Variants in DNMBP observed in about 807,000 individuals in gnomAD.
The protein encoded by DNMBP is dynamin binding protein.
In DNMBP, 87 loss-of-function variants were observed where a neutral mutation model predicts 150.0. That is an observed-to-expected ratio of 0.58 (90% CI 0.49 to 0.69). The LOEUF (loss-of-function observed/expected upper bound fraction) is 0.69. Among genes scored for constraint, DNMBP ranks in the 30% least tolerant of loss-of-function variants. The pLI is 0.00. For missense variants in DNMBP, 1,774 were observed against 1,949.0 expected (o/e 0.91, Z 1.69); for synonymous variants, 711 against 750.4 (o/e 0.95, Z 0.86).
chr10:99,898,126 G>T lies in DNMBP; in HGVS notation c.2880C>A (p.Ile960=), dbSNP rs1589404484. 4 of 1,613,998 alleles carry T rather than the reference G, an allele frequency of 2.5e-6. No homozygotes were observed. The highest frequency in any genetic ancestry group is 3.4e-6 in the Non-Finnish European group (4 of 1,179,994). ...GTTTATATTCATTAATGTTAACGTT[G>T]ATTTCCTTGACCGCAAGGACTGCAT... ...LTNAVLAVKE[I]NVNINEYKRR... The change falls in exon 9 of 17, where the codon ATC becomes ATA. Residue 960 remains isoleucine, a synonymous_variant. Coordinates refer to ENST00000324109, the MANE Select transcript of DNMBP (RefSeq NM_015221.4).
intron 15 of DNMBP, among the ~76,000 whole-genome samples, chr10:99,881,531 G>A (rs1054762654): frequency 1.3e-5 from 2 of 152,206 alleles, no homozygotes; most frequent in Non-Finnish European, 2.9e-5. Context: ...TAGCCTCCAT[G>A]AGAACAATGG....
At chr10:100,001,409 T>G (rs2041010278) in intron 1 of DNMBP, among the ~76,000 whole-genome samples, 2 of 52,114 alleles carry the variant, frequency 3.8e-5, no homozygotes, top group Admixed American at 4.7e-4. Flanking sequence ...GTTTTGTTGT[T>G]GTTGTTTTTT....
chr10:99,899,085 G>T (rs766602527), intron 7 of DNMBP, among the ~76,000 whole-genome samples: 28 of 151,950 alleles, frequency 1.8e-4, no homozygotes, highest in Non-Finnish European at 2.8e-4. Flanking sequence ...CCCAGCTACT[G>T]GGGGGCTGAG....
At position 99,890,836 on chromosome 10, in the gene DNMBP, AG is replaced by A. The variant is rs1237604691; in HGVS notation, c.3157-1884del. Among the ~76,000 whole-genome samples the A allele has an allele frequency of 2.6e-5, 4 of 152,116 alleles. No individual in the cohort carries two copies. In the East Asian group the frequency reaches 7.7e-4, roughly 29 times the overall value. ...TAATTTTTGTAGTTTTAGTAGAGAC[AG>A]GGTTTCACCACGTTGGCCAGGTTGG... is the stretch of plus-strand genomic sequence containing the variant. On this transcript the variant is annotated intron_variant, in intron 11 of 16. Transcript: ENST00000324109.
At chr10:99,918,988 G>A (rs1394433019) in intron 4 of DNMBP, among the ~76,000 whole-genome samples, 2 of 152,118 alleles carry the variant, frequency 1.3e-5, no homozygotes, top group African/African-American at 4.8e-5. Flanking sequence ...TGTTTAATAA[G>A]CAAATTTTTA....
At chr10:99,982,427 G>C (rs1377429685) in intron 1 of DNMBP, among the ~76,000 whole-genome samples, 1 of 151,998 alleles carries the variant, frequency 6.6e-6, no homozygotes, top group African/African-American at 2.4e-5. Flanking sequence ...CTGGGCAACA[G>C]AGCGAGACCC....
chr10:99,956,350 T>A lies in DNMBP; in HGVS notation c.1124A>T (p.Tyr375Phe), dbSNP rs754184398. The A allele has an allele frequency of 9.9e-6, 16 of 1,613,804 alleles. No homozygotes were observed. Among genetic ancestry groups the A allele is most frequent in the Admixed American group, 8.3e-5 (5 of 59,982 alleles). Residue 375 changes from tyrosine (Y) to phenylalanine (F), a missense_variant, in exon 4 of 17, where the codon TAT (tyrosine) becomes TTT (phenylalanine). Tyr to Phe is a conservative substitution (Grantham distance 22). Transcript: ENST00000324109. ...TSEYDTDRNS[Y>F]QDEDTAGGPP... is the part of the protein sequence containing the mutation. ...CCCTCCTGCGGTGTCCTCGTCCTGATAAGAGTTTCTGTCTGTGTCATACTC... is the reference window on the plus strand; with the variant it reads ...CCCTCCTGCGGTGTCCTCGTCCTGAAAAGAGTTTCTGTCTGTGTCATACTC...
At chr10:99,960,751 A>T (rs2040555590) in intron 3 of DNMBP, among the ~76,000 whole-genome samples, 1 of 152,158 alleles carries the variant, frequency 6.6e-6, no homozygotes, top group Non-Finnish European at 1.5e-5. Context: ...GGTTGCAGTG[A>T]GCTGAGGCTG....
intron 12 of DNMBP, 21 bp downstream of exon 12, chr10:99,888,804 T>G (rs1331798618): frequency 1.2e-6 from 2 of 1,613,558 alleles, no homozygotes; most frequent in Non-Finnish European, 1.7e-6. Context: ...GGGGCCAACT[T>G]TTGAAGAAAA....
chr10:99,940,768 G>A (rs763674288), intron 4 of DNMBP, among the ~76,000 whole-genome samples: 6 of 151,862 alleles, frequency 4.0e-5, no homozygotes, highest in Non-Finnish European at 7.4e-5. Context: ...ACTCCAATAG[G>A]GCTTGCATCC....
intron 1 of DNMBP, among the ~76,000 whole-genome samples, chr10:99,994,132 A>G (rs2040927315): frequency 6.6e-6 from 1 of 152,220 alleles, no homozygotes; most frequent in Non-Finnish European, 1.5e-5. Context: ...CATAACAGTT[A>G]GGAGCCCAGA....
In DNMBP at chr10:100,001,233, T is replaced by TAAAAAAA. The variant is rs71009800; in HGVS notation, c.-11+8598_-11+8604dup. ...AGGACAGAGCAAGACTCCGTCTCAT[T>TAAAAAAA]AAAAAAAAAAAAAAAAAAAAAAAAA... On this transcript the variant is annotated intron_variant, in intron 1 of 16. Coordinates refer to ENST00000324109, the MANE Select transcript of DNMBP (RefSeq NM_015221.4). Among the ~76,000 whole-genome samples the TAAAAAAA allele has an allele frequency of 3.2e-4, 7 of 21,730 alleles. 1 individual carries two copies. Among genetic ancestry groups the TAAAAAAA allele is most frequent in the Admixed American group, 1.2e-3 (2 of 1,618 alleles). The allele number at this position is 21,730 out of a possible 152,430, so 14.3% of individuals were successfully genotyped here. A position where few individuals can be genotyped will look rare whatever the true frequency, so the allele number is the denominator to read the frequency against.
Position 99,997,820 on chromosome 10 carries a change from TG to T in DNMBP, c.-11+12017del, listed in dbSNP as rs2040964594. Among the ~76,000 whole-genome samples, 4 of 139,748 alleles carry T rather than the reference TG, an allele frequency of 2.9e-5. No individual in the cohort carries two copies. In the South Asian group the frequency reaches 9.2e-4, roughly 32 times the overall value. The allele number at this position is 139,748 out of a possible 152,430, so 91.7% of individuals were successfully genotyped here. On this transcript the variant is annotated intron_variant, in intron 1 of 16. Transcript: ENST00000324109. ...GCTCACACCCATAATTCAAGCTACT[TG>T]GGTGGGTGGGGCACAAGAATCGCTT...
chr10:99,899,778 A>G lies in DNMBP; in HGVS notation c.2702+141T>C, dbSNP rs535980423. The G allele has an allele frequency of 6.8e-5, 67 of 990,068 alleles. 1 individual carries two copies. In the South Asian group the frequency reaches 8.7e-4, roughly 13 times the overall value. The allele number at this position is 990,068 out of a possible 1,614,324, so 61.3% of individuals were successfully genotyped here. On this transcript the variant is annotated intron_variant, in intron 7 of 16. Transcript: ENST00000324109. ...ACTTATTCACATGGACAAAAATACAATCAGGAAACCACTTAAATGATATAT... is the reference window on the plus strand; with the variant it reads ...ACTTATTCACATGGACAAAAATACAGTCAGGAAACCACTTAAATGATATAT...
At chr10:100,001,703 G>A (rs1418366692) in intron 1 of DNMBP, among the ~76,000 whole-genome samples, 6 of 152,262 alleles carry the variant, frequency 3.9e-5, no homozygotes, top group East Asian at 1.9e-4. Context: ...GTGAGCCACC[G>A]TACGTGGCCT....
intron 1 of DNMBP, among the ~76,000 whole-genome samples, chr10:99,982,527 A>C (rs1186639958): frequency 6.6e-6 from 1 of 152,162 alleles, no homozygotes; most frequent in Non-Finnish European, 1.5e-5. Flanking sequence ...AGTTCCCTAA[A>C]TCCACCATTC....
At chr10:99,975,263 G>A (rs2040716426) in intron 1 of DNMBP, among the ~76,000 whole-genome samples, 1 of 152,110 alleles carries the variant, frequency 6.6e-6, no homozygotes, top group South Asian at 2.1e-4. Flanking sequence ...AGGAGGCTGA[G>A]GCAGGAGAAT....
rs542614888 is a variant in DNMBP at position 99,941,013 on chromosome 10, T to G, written c.2260+14201A>C. Reference sequence around the variant, plus strand: ...GATTCTCCTGCCTCAGCCTCCCGAGTGGCTGGGATTACAGGCACCCGCCAC... The same window carrying G: ...GATTCTCCTGCCTCAGCCTCCCGAGGGGCTGGGATTACAGGCACCCGCCAC... On this transcript the variant is annotated intron_variant, in intron 4 of 16. Transcript: ENST00000324109. 6.1e-4 allele frequency among the ~76,000 whole-genome samples: 93 copies of G among 152,160 alleles called. 7 individuals carry two copies. The South Asian group carries it at 0.012, about 19-fold the overall frequency.
Position 99,948,353 on chromosome 10 carries a change from A to G in DNMBP, c.2260+6861T>C, listed in dbSNP as rs903427832. Among the ~76,000 whole-genome samples, 3 of 152,330 alleles carry G rather than the reference A, an allele frequency of 2.0e-5. No homozygotes were observed. In the East Asian group the frequency reaches 5.8e-4, roughly 29 times the overall value. On this transcript the variant is annotated intron_variant, in intron 4 of 16. Coordinates refer to ENST00000324109, the MANE Select transcript of DNMBP (RefSeq NM_015221.4). ...TTTTTAAAATACAAGGTTATAATTT[A>G]GGAACTCCCAGGAATTCCAACTTCT...
Sources: gnomAD v4.1 joint callset for allele counts (sites outside exome capture counted in the v4.1 genomes callset) on GRCh38, gnomAD v4.1.1 for gene constraint, MANE v1.5 for transcripts, NCBI Gene and HGNC (gene_info 2026-07-23, HGNC 2026-07-21) for gene names.